Variants in FARS2 observed in about 807,000 individuals in gnomAD.
FARS2 encodes phenylalanine--tRNA ligase, mitochondrial.
A neutral mutation model predicts 46.4 loss-of-function variants in FARS2; 40 were observed. The observed-to-expected ratio is 0.86, with a 90% CI of 0.67 to 1.12. The LOEUF is 1.12. FARS2 is among the 50% of genes most tolerant of loss of function. The probability of loss-of-function intolerance (pLI) is 0.00; values close to 1 mark genes in which losing one functional copy is unlikely to be tolerated. For missense variants in FARS2, 513 were observed against 567.9 expected (o/e 0.90, Z 0.98); for synonymous variants, 234 against 214.9 (o/e 1.09, Z -0.78).
chr6:5,268,137 T>G (rs993609152), intron 1 of FARS2, among the ~76,000 whole-genome samples: 2 of 152,140 alleles, frequency 1.3e-5, no homozygotes, highest in African/African-American at 4.8e-5. Context: ...GCAAAAATTT[T>G]CTCCCATTCT....
At chr6:5,599,393 T>A (rs371149379) in intron 5 of FARS2, among the ~76,000 whole-genome samples, 2 of 152,312 alleles carry the variant, frequency 1.3e-5, no homozygotes, top group East Asian at 3.9e-4. Context: ...CTGCAAATAT[T>A]TTACGTCTGA....
At chr6:5,403,188 G>T (rs966311954) in intron 2 of FARS2, among the ~76,000 whole-genome samples, 1 of 152,268 alleles carries the variant, frequency 6.6e-6, no homozygotes, top group Admixed American at 6.5e-5. Context: ...AAACGGTTTT[G>T]TCTCATTTTG....
chr6:5,679,449 AT>A (rs1778921115), intron 6 of FARS2, among the ~76,000 whole-genome samples: 1 of 152,046 alleles, frequency 6.6e-6, no homozygotes, highest in African/African-American at 2.4e-5. Context: ...GCCTGGGGTT[AT>A]TTATGTCCTC....
intron 5 of FARS2, among the ~76,000 whole-genome samples, chr6:5,564,321 G>C (rs1427015918): frequency 6.6e-6 from 1 of 152,070 alleles, no homozygotes; most frequent in Non-Finnish European, 1.5e-5. Context: ...GAAACCTCCG[G>C]GTTATGGGCA....
At chr6:5,730,830 A>C (rs755586287) in intron 6 of FARS2, among the ~76,000 whole-genome samples, 2 of 152,190 alleles carry the variant, frequency 1.3e-5, no homozygotes, top group African/African-American at 2.4e-5. Flanking sequence ...TGTTTCAAGC[A>C]CTGTTCTGAG....
At chr6:5,738,981 G>A (rs999053123) in intron 6 of FARS2, among the ~76,000 whole-genome samples, 2 of 152,100 alleles carry the variant, frequency 1.3e-5, no homozygotes, top group Non-Finnish European at 2.9e-5. Context: ...ATTCTGTCAC[G>A]AAAAGGATCT....
chr6:5,461,212 G>T (rs558593164), intron 4 of FARS2, among the ~76,000 whole-genome samples: 1 of 151,760 alleles, frequency 6.6e-6, no homozygotes, highest in South Asian at 2.1e-4. Flanking sequence ...CTAATTTTTT[G>T]TATTTTTAAT....
intron 5 of FARS2, among the ~76,000 whole-genome samples, chr6:5,601,445 A>G (rs1343437722): frequency 2.7e-5 from 4 of 148,814 alleles, no homozygotes; most frequent in Non-Finnish European, 5.9e-5. Flanking sequence ...AATCACTTGA[A>G]CTTGGGAGGC....
At chr6:5,571,066 A>G (rs1449908973) in intron 5 of FARS2, among the ~76,000 whole-genome samples, 1 of 152,230 alleles carries the variant, frequency 6.6e-6, no homozygotes. Flanking sequence ...TCAAACGGTT[A>G]TTCATTTATT....
At chr6:5,769,474 G>A (rs78061187) in intron 6 of FARS2, among the ~76,000 whole-genome samples, 7,547 of 152,282 alleles carry the variant, frequency 0.05, 251 homozygotes, top group Non-Finnish European at 0.076. Context: ...ACTGTTGTTC[G>A]GAGCACAAAG....
At chr6:5,345,629 G>A (rs1300026567) in intron 1 of FARS2, among the ~76,000 whole-genome samples, 1 of 152,184 alleles carries the variant, frequency 6.6e-6, no homozygotes, top group Non-Finnish European at 1.5e-5. Context: ...AGTAATTTCA[G>A]GTTAGTGTTT....
intron 4 of FARS2, among the ~76,000 whole-genome samples, chr6:5,508,671 A>G (rs1768249204): frequency 6.6e-6 from 1 of 152,322 alleles, no homozygotes; most frequent in South Asian, 2.1e-4. Context: ...CCTGAAAGGT[A>G]AAATTAGGAG....
At chr6:5,585,727 A>G (rs1165306259) in intron 5 of FARS2, among the ~76,000 whole-genome samples, 5 of 151,850 alleles carry the variant, frequency 3.3e-5, no homozygotes, top group African/African-American at 1.2e-4. Context: ...AATCCATTAT[A>G]TATGGAATAC....
chr6:5,728,417 G>T (rs1760408533), intron 6 of FARS2, among the ~76,000 whole-genome samples: 1 of 152,226 alleles, frequency 6.6e-6, no homozygotes, highest in East Asian at 1.9e-4. Context: ...AGTGAGGTTT[G>T]CTGACGCTAA....
At chr6:5,572,179 T>C (rs1772693307) in intron 5 of FARS2, among the ~76,000 whole-genome samples, 2 of 152,160 alleles carry the variant, frequency 1.3e-5, no homozygotes, top group African/African-American at 4.8e-5. Context: ...TGCTGGCTAT[T>C]CAGGAAGCAT....
intron 5 of FARS2, among the ~76,000 whole-genome samples, chr6:5,600,813 A>C (rs1019817671): frequency 6.6e-6 from 1 of 152,236 alleles, no homozygotes; most frequent in Non-Finnish European, 1.5e-5. Context: ...TGTTATTTAC[A>C]TAATTGTTAA....
At chr6:5,432,381 A>G (rs1218523291) in intron 4 of FARS2, among the ~76,000 whole-genome samples, 2,303 of 127,240 alleles carry the variant, frequency 0.018, 43 homozygotes, top group South Asian at 0.057. Flanking sequence ...ATATATTTAT[A>G]TATTATACAT....
At chr6:5,494,387 A>G (rs1767321622) in intron 4 of FARS2, among the ~76,000 whole-genome samples, 1 of 152,194 alleles carries the variant, frequency 6.6e-6, no homozygotes, top group African/African-American at 2.4e-5. Flanking sequence ...CAGGACTGGA[A>G]TCCGGGTCTG....
intron 5 of FARS2, among the ~76,000 whole-genome samples, chr6:5,552,527 G>A (rs1771429698): frequency 6.6e-6 from 1 of 152,098 alleles, no homozygotes; most frequent in African/African-American, 2.4e-5. Flanking sequence ...ACATTTTTCT[G>A]TCCAGCTGTG....
Sources: allele counts gnomAD v4.1 joint callset (sites outside exome capture counted in the v4.1 genomes callset), GRCh38; gene constraint gnomAD v4.1.1; transcripts MANE v1.5; gene names NCBI Gene and HGNC (gene_info 2026-07-23, HGNC 2026-07-21).